Variants in RBFOX1 observed in about 807,000 individuals in gnomAD.
The protein encoded by RBFOX1 is RNA binding fox-1 homolog 1.
A neutral mutation model predicts 57.7 loss-of-function variants in RBFOX1; 8 were observed. The ratio of observed to expected loss-of-function variants is 0.14; its 90% CI spans 0.08 to 0.25. The LOEUF is 0.25. Among genes scored for constraint, RBFOX1 ranks in the 10% least tolerant of loss-of-function variants. The pLI, the probability that RBFOX1 is intolerant of heterozygous loss-of-function variation, is 1.00. For missense variants in RBFOX1, 611 were observed against 548.5 expected, an observed-to-expected ratio of 1.11 and a Z score of -1.14; for synonymous variants, 326 against 222.4, an observed-to-expected ratio of 1.47 and a Z score of -4.15.
rs549969509 is a variant in RBFOX1, at chr16:7,660,325, T to C, written c.891-4604T>C. ...AACAATACAAGTACCTTTGCATGGC[T>C]AGACGGACCATCTCTGCATTGAAAT... On this transcript the variant is annotated intron_variant, in intron 12 of 15. Transcript: ENST00000550418. Among the ~76,000 whole-genome samples, 20 of 152,342 alleles carry C rather than the reference T, an allele frequency of 1.3e-4. 1 individual carries two copies. The South Asian group carries it at 2.7e-3, about 21-fold the overall frequency.
intron 4 of RBFOX1, among the ~76,000 whole-genome samples, chr16:7,446,117 C>T (rs2098805658): frequency 1.3e-5 from 2 of 152,154 alleles, no homozygotes; most frequent in African/African-American, 2.4e-5. Context: ...GTCAAAGATG[C>T]TGTGTGAAAT....
chr16:5,284,756 A>AATTTTTT (rs1303967371), intron 1 of RBFOX1, among the ~76,000 whole-genome samples: 1 of 61,032 alleles, frequency 1.6e-5, no homozygotes, highest in Non-Finnish European at 3.0e-5. Flanking sequence ...TTTGGCTTAG[A>AATTTTTT]TTTTTTTTTT....
At chr16:7,039,227 G>T (rs75117233) in intron 3 of RBFOX1, among the ~76,000 whole-genome samples, 3,340 of 152,264 alleles carry the variant, frequency 0.022, 115 homozygotes, top group African/African-American at 0.074. Context: ...TATTGTGCAA[G>T]TTTACGTATA....
At chr16:6,517,241 C>T (rs763165862) in intron 2 of RBFOX1, among the ~76,000 whole-genome samples, 8 of 152,090 alleles carry the variant, frequency 5.3e-5, no homozygotes, top group Admixed American at 1.3e-4. Flanking sequence ...CTGAACAGCT[C>T]GCATTTTGAC....
At chr16:6,304,918 C>T (rs7195534) in intron 1 of RBFOX1, among the ~76,000 whole-genome samples, 9,404 of 144,704 alleles carry the variant, frequency 0.065, 342 homozygotes, top group South Asian at 0.097. Flanking sequence ...ATCTGAGAGA[C>T]GTTGCTTTGT....
At chr16:5,863,076 C>T (rs375232018) in intron 3 of RBFOX1, among the ~76,000 whole-genome samples, 56 of 152,258 alleles carry the variant, frequency 3.7e-4, no homozygotes, top group South Asian at 1.9e-3. Flanking sequence ...AGTTCAGACC[C>T]GGCCCCTGAA....
At chr16:5,485,907 C>G (rs1376611189) in intron 2 of RBFOX1, among the ~76,000 whole-genome samples, 1 of 152,170 alleles carries the variant, frequency 6.6e-6, no homozygotes, top group African/African-American at 2.4e-5. Flanking sequence ...ACCTCATTTT[C>G]CCCATCTGCA....
At position 7,371,525 on chromosome 16, in the gene RBFOX1, G is replaced by A. The variant is rs377480827; in HGVS notation, c.28-146622G>A. 2.0e-4 allele frequency among the ~76,000 whole-genome samples: 31 copies of A among 152,272 alleles called. No individual in the cohort carries two copies. The South Asian group carries it at 4.6e-3, about 22-fold the overall frequency. The stretch of plus-strand genomic sequence containing the variant: ...AGAACTCTGGGAGGATGAGGCAGGC[G>A]GATAACCTGAGGTCAGGAGATCGAG... On this transcript the variant is annotated intron_variant, in intron 4 of 15. Transcript: ENST00000550418.
chr16:6,715,296 C>G (rs2064568635), intron 3 of RBFOX1, among the ~76,000 whole-genome samples: 1 of 150,982 alleles, frequency 6.6e-6, no homozygotes, highest in Non-Finnish European at 1.5e-5. Context: ...TAACCCTGTT[C>G]TGTTGAATTA....
At chr16:6,909,607 C>T (rs1172387854) in intron 3 of RBFOX1, among the ~76,000 whole-genome samples, 3 of 152,188 alleles carry the variant, frequency 2.0e-5, no homozygotes, top group African/African-American at 4.8e-5. Flanking sequence ...ATGTAATCTC[C>T]CCAAGCCTGT....
intron 3 of RBFOX1, among the ~76,000 whole-genome samples, chr16:6,703,301 G>A (rs1456280559): frequency 7.2e-5 from 8 of 110,382 alleles, no homozygotes; most frequent in Non-Finnish European, 9.0e-5. Flanking sequence ...GTGGCTGGGA[G>A]TGGTAGCTTA....
intron 3 of RBFOX1, among the ~76,000 whole-genome samples, chr16:6,946,840 C>G (rs1388084446): frequency 6.6e-6 from 1 of 152,188 alleles, no homozygotes; most frequent in Non-Finnish European, 1.5e-5. Flanking sequence ...GTTTCTGAAT[C>G]TCAAGCAATC....
intron 4 of RBFOX1, among the ~76,000 whole-genome samples, chr16:7,515,418 A>G (rs1380389304): frequency 6.6e-6 from 1 of 152,032 alleles, no homozygotes; most frequent in Non-Finnish European, 1.5e-5. Context: ...AAAATACTGT[A>G]TTATATACTG....
At chr16:7,584,731 C>T (rs542928407) in intron 6 of RBFOX1, among the ~76,000 whole-genome samples, 6 of 152,308 alleles carry the variant, frequency 3.9e-5, no homozygotes, top group Admixed American at 1.3e-4. Context: ...TGAAAATGTG[C>T]CAGCTGTGTT....
chr16:7,558,668 A>G (rs1007304062), intron 5 of RBFOX1, among the ~76,000 whole-genome samples: 1 of 151,824 alleles, frequency 6.6e-6, no homozygotes, highest in Admixed American at 6.6e-5. Flanking sequence ...AGAAATCAGT[A>G]TCAACAAACT....
chr16:7,587,745 T>C (rs908794858), intron 7 of RBFOX1, among the ~76,000 whole-genome samples: 6 of 152,240 alleles, frequency 3.9e-5, no homozygotes, highest in Admixed American at 3.9e-4. Flanking sequence ...TTTTATTCTT[T>C]AGTATGTTTA....
At chr16:7,706,815 A>G (rs1187181319) in intron 14 of RBFOX1, among the ~76,000 whole-genome samples, 1 of 152,214 alleles carries the variant, frequency 6.6e-6, no homozygotes, top group East Asian at 1.9e-4. Flanking sequence ...TACCAAGGTT[A>G]TAGTTTTCCT....
At chr16:6,524,848 A>G (rs965942572) in intron 2 of RBFOX1, among the ~76,000 whole-genome samples, 51 of 152,132 alleles carry the variant, frequency 3.4e-4, no homozygotes, top group African/African-American at 1.1e-3. Context: ...GTCTGAGTCT[A>G]TGTGTCTCCA....
chr16:6,221,103 C>G (rs537410820), intron 1 of RBFOX1, among the ~76,000 whole-genome samples: 1 of 152,014 alleles, frequency 6.6e-6, no homozygotes, highest in Non-Finnish European at 1.5e-5. Flanking sequence ...TCTCTTTAGG[C>G]CATATTTCCA....
Sources: allele counts gnomAD v4.1 joint callset (sites outside exome capture counted in the v4.1 genomes callset), GRCh38; gene constraint gnomAD v4.1.1; transcripts MANE v1.5; gene names NCBI Gene and HGNC (gene_info 2026-07-23, HGNC 2026-07-21).